The following PLCZ1 variants were observed in gnomAD, a reference collection of about 807,000 sequenced individuals.
PLCZ1 encodes phospholipase C zeta 1.
In PLCZ1, 64 loss-of-function variants were observed where a neutral mutation model predicts 76.8. The ratio of observed to expected loss-of-function variants is 0.83; its 90% CI spans 0.68 to 1.03. The LOEUF (loss-of-function observed/expected upper bound fraction) is 1.03. PLCZ1 is among the 50% of genes least tolerant of loss of function. The pLI, the probability that PLCZ1 is intolerant of heterozygous loss-of-function variation, is 0.00. For missense variants in PLCZ1, 751 were observed against 713.7 expected, an observed-to-expected ratio of 1.05 and a Z score of -0.60; for synonymous variants, 248 against 230.8, an observed-to-expected ratio of 1.07 and a Z score of -0.68.
At chr12:18,711,371 C>A (rs1014329063) in intron 6 of PLCZ1, among the ~76,000 whole-genome samples, 1 of 99,728 alleles carries the variant, frequency 1.0e-5, no homozygotes, top group African/African-American at 4.2e-5. Context: ...ACATCACACT[C>A]TGGGGACTGT....
At chr12:18,650,714 A>G in the PLCZ1 span, among the ~76,000 whole-genome samples, 371 of 3,400 alleles carry the variant, frequency 0.11, 11 homozygotes, top group African/African-American at 0.23. Context: ...GTATATATCT[A>G]TATATATATA....
At chr12:18,653,782 G>A in the PLCZ1 span, among the ~76,000 whole-genome samples, 4 of 152,042 alleles carry the variant, frequency 2.6e-5, no homozygotes, top group Admixed American at 2.6e-4. Context: ...ATTATAGGAG[G>A]GAAGTGGATT....
At chr12:18,654,442 T>C in the PLCZ1 span, among the ~76,000 whole-genome samples, 11 of 152,096 alleles carry the variant, frequency 7.2e-5, no homozygotes, top group Non-Finnish European at 1.3e-4. Context: ...TCAAATCACC[T>C]TTTCCTTCAA....
At chr12:18,652,411 A>G in the PLCZ1 span, among the ~76,000 whole-genome samples, 1 of 152,170 alleles carries the variant, frequency 6.6e-6, no homozygotes, top group Non-Finnish European at 1.5e-5. Flanking sequence ...AACCACTGCG[A>G]ACTGCAAAAG....
chr12:18,648,157 A>C, the PLCZ1 span: 5 of 440,052 alleles, frequency 1.1e-5, no homozygotes, highest in African/African-American at 1.0e-4. Flanking sequence ...ACAGAAAAAA[A>C]ATCAGAATTA....
the PLCZ1 span, among the ~76,000 whole-genome samples, chr12:18,652,749 A>T: frequency 6.6e-6 from 1 of 152,140 alleles, no homozygotes; most frequent in African/African-American, 2.4e-5. Context: ...GGCTTTTTAC[A>T]TGTATATTTT....
At chr12:18,708,720 T>C (rs921122322) in intron 6 of PLCZ1, among the ~76,000 whole-genome samples, 1 of 152,144 alleles carries the variant, frequency 6.6e-6, no homozygotes, top group African/African-American at 2.4e-5. Flanking sequence ...GACTGTGAGG[T>C]GGTATCTCAT....
At position 18,699,846 on chromosome 12, in the gene PLCZ1, A is replaced by T. The variant is rs1201959941; in HGVS notation, c.1122T>A (p.Asn374Lys). The stretch of plus-strand genomic sequence containing the variant: ...GTGTCTCCCCAATAGAATTATTTTC[A>T]TTAAATTGCTGATATAATCTTGAAT... ...FQHSRLYQQF[N>K]ENNSIGETQA... is the part of the protein sequence containing the mutation. Residue 374 changes from asparagine (N) to lysine (K), a missense_variant, in exon 10 of 15, where the codon AAT (asparagine) becomes AAA (lysine). Transcript: ENST00000266505. The T allele has an allele frequency of 6.2e-7, 1 of 1,613,560 alleles. No homozygotes were observed. Among genetic ancestry groups the T allele is most frequent in the Admixed American group, 1.7e-5 (1 of 59,996 alleles).
intron 10 of PLCZ1, 64 bp from the exon 11 acceptor site, chr12:18,696,330 A>T: frequency 1.8e-5 from 1 of 54,096 alleles, no homozygotes; most frequent in South Asian, 1.0e-3. Flanking sequence ...CACTATATAT[A>T]TATATATATA....
chr12:18,677,542 C>A, the PLCZ1 span, among the ~76,000 whole-genome samples: 7,481 of 152,038 alleles, frequency 0.049, 613 homozygotes, highest in African/African-American at 0.17. Context: ...CTTAAAATGT[C>A]CCCTATGCTG....
intron 3 of PLCZ1, among the ~76,000 whole-genome samples, chr12:18,730,370 C>A (rs912377031): frequency 2.6e-5 from 4 of 152,164 alleles, no homozygotes; most frequent in African/African-American, 4.8e-5. Flanking sequence ...CATTTTAATG[C>A]ATACATGGCA....
intron 8 of PLCZ1, 44 bp downstream of exon 8, chr12:18,701,637 TCCTCCTCCTCC>T (rs1955942423): frequency 6.3e-7 from 1 of 1,588,710 alleles, no homozygotes; most frequent in Admixed American, 1.7e-5. Context: ...CTCCTCCTCC[TCCTCCTCCTCC>T]TCCTCTCCAT....
Position 18,701,513 on chromosome 12 carries a change from G to GA in PLCZ1, c.1004dup (p.Lys336GlnfsTer16). The GA allele has an allele frequency of 6.2e-7, 1 of 1,613,762 alleles. No individual in the cohort carries two copies. On this transcript the variant is annotated frameshift_variant, in exon 9 of 15. Transcript: ENST00000266505. LOFTEE classifies it high-confidence loss of function. ...AACACCACCTCACCTTCTTTTTCTT[G>GA]AAAAGCATTACTCCAGGTAACTTTT...
At chr12:18,729,953 G>A (rs528723550) in intron 3 of PLCZ1, among the ~76,000 whole-genome samples, 60 of 152,182 alleles carry the variant, frequency 3.9e-4, no homozygotes, top group Non-Finnish European at 6.3e-4. Flanking sequence ...ATACTTAACT[G>A]ATGCAGCGTC....
chr12:18,699,269 T>C (rs1286737036), intron 10 of PLCZ1, among the ~76,000 whole-genome samples: 2 of 152,136 alleles, frequency 1.3e-5, no homozygotes, highest in African/African-American at 4.8e-5. Context: ...AACCCTACCC[T>C]CTTCAATGCC....
intron 4 of PLCZ1, 92 bp downstream of exon 4, chr12:18,723,219 C>T (rs1056131854): frequency 7.8e-6 from 9 of 1,147,392 alleles, no homozygotes; most frequent in Non-Finnish European, 8.7e-6. Context: ...AACCACAATT[C>T]ATAAAAATAC....
At chr12:18,674,865 G>C in the PLCZ1 span, among the ~76,000 whole-genome samples, 2 of 152,096 alleles carry the variant, frequency 1.3e-5, no homozygotes, top group African/African-American at 4.8e-5. Context: ...ACTTCCACCA[G>C]CCTGTGAAGA....
At chr12:18,698,907 T>G (rs1955497286) in intron 10 of PLCZ1, among the ~76,000 whole-genome samples, 1 of 152,170 alleles carries the variant, frequency 6.6e-6, no homozygotes, top group South Asian at 2.1e-4. Context: ...ATTATTGTCC[T>G]TACTTCCCCC....
chr12:18,670,457 C>A, the PLCZ1 span, among the ~76,000 whole-genome samples: 1 of 152,020 alleles, frequency 6.6e-6, no homozygotes, highest in Non-Finnish European at 1.5e-5. Context: ...AGTTGAAGGG[C>A]CTACCCAAGA....
Sources: gnomAD v4.1 joint callset for allele counts (sites outside exome capture counted in the v4.1 genomes callset) on GRCh38, gnomAD v4.1.1 for gene constraint, MANE v1.5 for transcripts, NCBI Gene and HGNC (gene_info 2026-07-23, HGNC 2026-07-21) for gene names.